SH3GL1: variants seen among roughly 807,000 people sequenced by gnomAD.
SH3GL1 encodes SH3 domain containing GRB2 like 1, endophilin A2.
SH3GL1 carries 21 observed loss-of-function variants against 48.8 expected under a neutral mutation model. The ratio of observed to expected loss-of-function variants is 0.43; its 90% CI spans 0.30 to 0.62. SH3GL1 has a LOEUF of 0.62. Ranked by LOEUF, SH3GL1 falls within the 20% of genes least tolerant of loss-of-function variation. SH3GL1 has a pLI of 0.11. For missense variants in SH3GL1, 454 were observed against 503.0 expected (o/e 0.90, Z 0.93); for synonymous variants, 282 against 217.5 (o/e 1.30, Z -2.61).
chr19:4,361,828 C>T (rs372737423), intron 9 of SH3GL1, 32 bp from the exon 10 acceptor site: 252 of 1,478,854 alleles, frequency 1.7e-4, no homozygotes, highest in Non-Finnish European at 2.3e-4. Context: ...GGGGCTGGGG[C>T]TGCTACGCCT....
chr19:4,368,671 C>T (rs1972833837), intron 1 of SH3GL1, among the ~76,000 whole-genome samples: 1 of 152,172 alleles, frequency 6.6e-6, no homozygotes, highest in Non-Finnish European at 1.5e-5. Flanking sequence ...CGGGGTGTGC[C>T]GGGCATTCAG....
At chr19:4,378,644 G>T (rs1973059893) in intron 1 of SH3GL1, among the ~76,000 whole-genome samples, 1 of 152,134 alleles carries the variant, frequency 6.6e-6, no homozygotes, top group African/African-American at 2.4e-5. Context: ...GAACCCGGGA[G>T]GCGGAGGTTG....
chr19:4,374,702 C>T (rs891444734), intron 1 of SH3GL1, among the ~76,000 whole-genome samples: 21 of 152,226 alleles, frequency 1.4e-4, no homozygotes, highest in African/African-American at 4.6e-4. Flanking sequence ...CCTTGCAGCC[C>T]GGCCTCTCCC....
Position 4,366,562 on chromosome 19 carries a change from G to A in SH3GL1, c.126C>T (p.Val42=). The A allele has an allele frequency of 6.2e-7, 1 of 1,612,046 alleles. No individual in the cohort carries two copies. The highest frequency in any genetic ancestry group is 1.1e-5 in the South Asian group (1 of 90,832). The change falls in exon 3 of 10, where the codon GTC becomes GTT. Residue 42 remains valine (V), a synonymous_variant. Coordinates refer to ENST00000269886, the MANE Select transcript of SH3GL1 (RefSeq NM_003025.4). Reference sequence around the variant, plus strand: ...GCACTTCTGTCACCGCCTTGCTGGTGACATCCACCTTCTGTGAAGAGAAGC... The same window carrying A: ...GCACTTCTGTCACCGCCTTGCTGGTAACATCCACCTTCTGTGAAGAGAAGC... The part of the protein sequence containing the change: ...DFKEMEKKVD[V]TSKAVTEVLA...
chr19:4,373,127 GGA>G (rs1363744579), intron 1 of SH3GL1, among the ~76,000 whole-genome samples: 1 of 90,254 alleles, frequency 1.1e-5, no homozygotes, highest in Non-Finnish European at 2.2e-5. Context: ...AGGAGCAGTG[GGA>G]GGGGGGGCCA....
rs1340124740 is a variant in SH3GL1, at chr19:4,366,519, A to C, written c.169T>G (p.Tyr57Asp). 6.2e-7 allele frequency: 1 copy of C among 1,610,908 alleles called. No individual in the cohort carries two copies. Among genetic ancestry groups the C allele is most frequent in the Non-Finnish European group, 8.5e-7 (1 of 1,179,326 alleles). ...CACCCACCTGGGTTGGGCTGCAGGT[A>C]CTCGATGGTCCTGGCCAGCACTTCT... ...VTEVLARTIE[Y>D]LQPNPASRAK... is the part of the protein sequence containing the mutation. Residue 57 changes from tyrosine (Y) to aspartate (D), a missense_variant, in exon 3 of 10, where the codon TAC becomes GAC. By Grantham distance (160) the Tyr-to-Asp change is radical. Transcript: ENST00000269886.
rs1972597235 is a variant in SH3GL1 at position 4,361,150 on chromosome 19, G to A, written c.*450C>T. The A allele has an allele frequency of 3.8e-6, 1 of 261,418 alleles. No homozygotes were observed. Among genetic ancestry groups the A allele is most frequent in the South Asian group, 1.1e-4 (1 of 9,344 alleles). The allele number at this position is 261,418 out of a possible 1,614,324, so 16.2% of individuals were successfully genotyped here. A position where few individuals can be genotyped will look rare whatever the true frequency, so the allele number is the denominator to read the frequency against. The stretch of plus-strand genomic sequence containing the variant: ...GATTTAAAACCAGGGTCCTATCTCT[G>A]AGCCACCCCATGGGGACCCTCGATC... On this transcript the variant is annotated 3_prime_UTR_variant, in exon 10 of 10. Transcript: ENST00000269886.
intron 1 of SH3GL1, among the ~76,000 whole-genome samples, chr19:4,372,210 G>T (rs889736507): frequency 6.6e-6 from 1 of 152,196 alleles, no homozygotes; most frequent in Non-Finnish European, 1.5e-5. Flanking sequence ...CCACCTGCAG[G>T]ACCAGGGACA....
chr19:4,387,522 G>A (rs1438721590), intron 1 of SH3GL1, among the ~76,000 whole-genome samples: 1 of 151,304 alleles, frequency 6.6e-6, no homozygotes, highest in Admixed American at 6.6e-5. Context: ...TTGAACAACT[G>A]GGCTAAAGCA....
At chr19:4,375,929 C>A (rs1192214726) in intron 1 of SH3GL1, among the ~76,000 whole-genome samples, 1 of 152,216 alleles carries the variant, frequency 6.6e-6, no homozygotes, top group Non-Finnish European at 1.5e-5. Context: ...GATGACATCA[C>A]CCACATGCAC....
In SH3GL1 at chr19:4,365,567, C is replaced by T; in HGVS notation, c.246G>A (p.Lys82=). 1 of 1,614,138 alleles carries T rather than the reference C, an allele frequency of 6.2e-7. No individual in the cohort carries two copies. Among genetic ancestry groups the T allele is most frequent in the Non-Finnish European group, 8.5e-7 (1 of 1,180,038 alleles). ...NTVSKIRGQV[K]NPGYPQSEGL... ...CCTCCGACTGCGGGTAGCCGGGGTT[C>T]TTCACCTGGCCCCGGATCTTGGACA... The change falls in exon 4 of 10, where the codon AAG becomes AAA. Residue 82 remains lysine, a synonymous_variant. Coordinates refer to ENST00000269886, the MANE Select transcript of SH3GL1 (RefSeq NM_003025.4).
chr19:4,361,691 A>G lies in SH3GL1; in HGVS notation c.1016T>C (p.Ile339Thr). The G allele has an allele frequency of 6.2e-7, 1 of 1,613,260 alleles. No homozygotes were observed. The highest frequency in any genetic ancestry group is 8.5e-7 in the Non-Finnish European group (1 of 1,179,848). ...EGDVITLTNQIDENWYEGMLD... is the reference protein window; with the variant it reads ...EGDVITLTNQTDENWYEGMLD... Reference sequence around the variant, plus strand: ...CATGCCCTCGTACCAGTTCTCATCGATCTGGTTGGTCAGCGTGATGACGTC... The same window carrying G: ...CATGCCCTCGTACCAGTTCTCATCGGTCTGGTTGGTCAGCGTGATGACGTC... The change falls in exon 10 of 10, where the codon ATC (isoleucine) becomes ACC (threonine). Residue 339 changes from isoleucine to threonine, a missense_variant. By Grantham distance (89) the Ile-to-Thr change is moderately conservative (BLOSUM62 -1). Transcript: ENST00000269886.
In SH3GL1 at chr19:4,381,844, C is replaced by G. The variant is rs140739472; in HGVS notation, c.46-14850G>C. Among the ~76,000 whole-genome samples, 842 of 150,868 alleles carry G rather than the reference C, an allele frequency of 5.6e-3. 11 individuals are homozygous for G. Among genetic ancestry groups the G allele is most frequent in the African/African-American group, 0.02 (806 of 41,012 alleles). ...AGTAGCTGGGACTACAGGCACCCGCCGCCACGCCCCGCTAATTTTTTGTAT... is the reference window on the plus strand; with the variant it reads ...AGTAGCTGGGACTACAGGCACCCGCGGCCACGCCCCGCTAATTTTTTGTAT... On this transcript the variant is annotated intron_variant, in intron 1 of 9. Transcript: ENST00000269886.
At position 4,389,511 on chromosome 19, in the gene SH3GL1, C is replaced by T. The variant is rs753152260; in HGVS notation, c.45+10813G>A. Among the ~76,000 whole-genome samples, 4 of 152,140 alleles carry T rather than the reference C, an allele frequency of 2.6e-5. No homozygotes were observed. The highest frequency in any genetic ancestry group is 4.8e-5 in the African/African-American group (2 of 41,406). On this transcript the variant is annotated intron_variant, in intron 1 of 9. Transcript: ENST00000269886. The surrounding 1 kb of genome is among the most constrained non-coding windows in gnomAD (Gnocchi z 4.5). ...GGGAGGGACTGACTGTGTGAGTTCC[C>T]ATGCAGGGGAAGAGTAGCATTTAAA...
intron 1 of SH3GL1, among the ~76,000 whole-genome samples, chr19:4,370,201 A>G (rs555693858): frequency 7.3e-4 from 111 of 152,310 alleles, no homozygotes; most frequent in African/African-American, 2.5e-3. Flanking sequence ...GCCAGCCCCA[A>G]TGCCCCCGCA....
At chr19:4,371,896 G>T (rs758814699) in intron 1 of SH3GL1, among the ~76,000 whole-genome samples, 1 of 152,238 alleles carries the variant, frequency 6.6e-6, no homozygotes, top group Non-Finnish European at 1.5e-5. Context: ...CAGGGGCCTC[G>T]CCCAGTGCCA....
intron 1 of SH3GL1, among the ~76,000 whole-genome samples, chr19:4,375,221 G>A (rs572768484): frequency 5.8e-4 from 89 of 152,160 alleles, no homozygotes; most frequent in African/African-American, 2.1e-3. Flanking sequence ...AGAGCCAGCC[G>A]GGCCCTCCAG....
In SH3GL1 at chr19:4,400,440, G is replaced by A. The variant is rs924239331; in HGVS notation, c.-72C>T. ...GGCTCCCGGGCGCCGCCGACCCTCT[G>A]CGCGCCTCAGCAGTCCCCGTCGGCG... On this transcript the variant is annotated 5_prime_UTR_variant, in exon 1 of 10. Transcript: ENST00000269886. The surrounding 1 kb of genome is among the most constrained non-coding windows in gnomAD (Gnocchi z 4.1). 146 of 1,410,374 alleles carry A rather than the reference G, an allele frequency of 1.0e-4. 2 individuals are homozygous for A. The Admixed American group carries it at 3.9e-3, about 38-fold the overall frequency. The allele number at this position is 1,410,374 out of a possible 1,614,324, so 87.4% of individuals were successfully genotyped here.
At position 4,367,668 on chromosome 19, in the gene SH3GL1, CACTT is replaced by C. The variant is rs1972811848; in HGVS notation, c.46-678_46-675del. 6.6e-6 allele frequency among the ~76,000 whole-genome samples: 1 copy of C among 152,202 alleles called. No homozygotes were observed. The highest frequency in any genetic ancestry group is 1.5e-5 in the Non-Finnish European group (1 of 68,032). Reference sequence around the variant, plus strand: ...CGGTGAAAGCGATGACAATGACAGGCACTTACAGCGTCTTTCCTCGTGTGGTGGG... The same window carrying C: ...CGGTGAAAGCGATGACAATGACAGGCACAGCGTCTTTCCTCGTGTGGTGGG... On this transcript the variant is annotated intron_variant, in intron 1 of 9. Coordinates refer to ENST00000269886, the MANE Select transcript of SH3GL1 (RefSeq NM_003025.4). The surrounding 1 kb of genome is among the most constrained non-coding windows in gnomAD (Gnocchi z 4.2).
Sources: allele counts gnomAD v4.1 joint callset (sites outside exome capture counted in the v4.1 genomes callset), GRCh38; gene constraint gnomAD v4.1.1; non-coding constraint Gnocchi (gnomAD v3.1); transcripts MANE v1.5; gene names NCBI Gene and HGNC (gene_info 2026-07-23, HGNC 2026-07-21).